The following EML6 variants were observed in gnomAD, a reference collection of about 807,000 sequenced individuals.
EML6 encodes EMAP like 6, also known as echinoderm microtubule-associated protein-like 6.
Under a neutral mutation model 240.1 loss-of-function variants are expected in EML6, and 154 were observed. That is an observed-to-expected ratio of 0.64 (90% CI 0.56 to 0.73). The LOEUF is 0.73. Among genes scored for constraint, EML6 ranks in the 30% least tolerant of loss-of-function variants. EML6 has a pLI of 0.00. For synonymous variants in EML6, 1,148 were observed against 899.0 expected, an observed-to-expected ratio of 1.28 and a Z score of -4.95; for missense variants, 2,964 against 2,474.6, an observed-to-expected ratio of 1.20 and a Z score of -4.20.
chr2:54,830,443 A>G (rs1376495351), intron 7 of EML6, among the ~76,000 whole-genome samples: 1 of 152,088 alleles, frequency 6.6e-6, no homozygotes, highest in Non-Finnish European at 1.5e-5. Context: ...GATGAGGGAG[A>G]AATTTCCTGA....
Position 54,774,271 on chromosome 2 carries a change from A to C in EML6, c.198-38961A>C, listed in dbSNP as rs991764838. Among the ~76,000 whole-genome samples the C allele has an allele frequency of 3.3e-5, 5 of 152,306 alleles. No homozygotes were observed. The East Asian group carries it at 9.6e-4, about 29-fold the overall frequency. ...CTTGCAAAATGTTTATTGGATCAGT[A>C]GTGATGGAAGGGAGGGCAGAGAGAG... On this transcript the variant is annotated intron_variant, in intron 2 of 41. Coordinates refer to ENST00000356458, the MANE Select transcript of EML6 (RefSeq NM_001039753.4). The surrounding 1 kb of genome is among the most constrained non-coding windows in gnomAD (Gnocchi z 4.1).
chr2:54,863,761 C>T (rs1670805937), intron 12 of EML6, 22 bp from the exon 13 acceptor site: 3 of 1,365,972 alleles, frequency 2.2e-6, no homozygotes, highest in Non-Finnish European at 3.0e-6. Context: ...TTGCTTGTTT[C>T]TTGTGGGTTG....
intron 2 of EML6, among the ~76,000 whole-genome samples, chr2:54,798,160 A>G (rs1669921777): frequency 6.6e-6 from 1 of 151,992 alleles, no homozygotes; most frequent in African/African-American, 2.4e-5. Flanking sequence ...TCTATGTAGT[A>G]TTTTATAGTT....
intron 2 of EML6, among the ~76,000 whole-genome samples, chr2:54,734,892 A>C (rs1683326495): frequency 6.6e-6 from 1 of 152,194 alleles, no homozygotes; most frequent in Non-Finnish European, 1.5e-5. Flanking sequence ...CTGCATGATG[A>C]GAGTCAAACT....
chr2:54,894,764 C>T (rs538755056), intron 19 of EML6, 151 bp from the exon 20 acceptor site: 12 of 582,870 alleles, frequency 2.1e-5, no homozygotes, highest in South Asian at 4.2e-5. Flanking sequence ...AAATATTATT[C>T]GAACATTGTT....
intron 5 of EML6, among the ~76,000 whole-genome samples, chr2:54,825,300 T>G (rs542604202): frequency 2.0e-4 from 30 of 152,338 alleles, no homozygotes; most frequent in African/African-American, 7.0e-4. Flanking sequence ...ATCATTTATG[T>G]CTAATAGTTT....
intron 16 of EML6, among the ~76,000 whole-genome samples, chr2:54,878,996 A>G (rs1380744175): frequency 6.6e-6 from 1 of 152,196 alleles, no homozygotes; most frequent in Non-Finnish European, 1.5e-5. Context: ...GGAACATAAA[A>G]TTTTTAAATT....
intron 24 of EML6, among the ~76,000 whole-genome samples, chr2:54,907,950 T>TA (rs1244967827): frequency 0.011 from 303 of 26,484 alleles, no homozygotes; most frequent in Middle Eastern, 0.024. Flanking sequence ...ATAGATAAGA[T>TA]AGATAGATAG....
intron 2 of EML6, among the ~76,000 whole-genome samples, chr2:54,728,209 A>G (rs2104365847): frequency 6.6e-6 from 1 of 152,318 alleles, no homozygotes; most frequent in South Asian, 2.1e-4. Flanking sequence ...GCTTGATACC[A>G]AGGACAGTAA....
intron 17 of EML6, among the ~76,000 whole-genome samples, chr2:54,886,855 C>T (rs968177324): frequency 1.2e-4 from 19 of 152,196 alleles, no homozygotes; most frequent in Middle Eastern, 3.4e-3. Context: ...AGTTTTTAGG[C>T]AAGAATGCTT....
chr2:54,731,670 A>G (rs1023830684), intron 2 of EML6, among the ~76,000 whole-genome samples: 1 of 152,206 alleles, frequency 6.6e-6, no homozygotes, highest in South Asian at 2.1e-4. Flanking sequence ...TGGTTGCCAC[A>G]TAATGGGTCA....
chr2:54,810,959 C>A (rs1434446398), intron 2 of EML6, among the ~76,000 whole-genome samples: 1 of 152,186 alleles, frequency 6.6e-6, no homozygotes, highest in African/African-American at 2.4e-5. Flanking sequence ...TGTAGCCAGG[C>A]TCTGTGAGTT....
intron 15 of EML6, among the ~76,000 whole-genome samples, chr2:54,870,917 T>C (rs890612865): frequency 8.5e-5 from 13 of 152,168 alleles, no homozygotes; most frequent in Non-Finnish European, 1.8e-4. Flanking sequence ...CCCCACTACA[T>C]ATTACAAGTG....
chr2:54,928,928 G>A (rs1461921868), intron 28 of EML6, among the ~76,000 whole-genome samples, 177 bp downstream of exon 28: 2 of 152,196 alleles, frequency 1.3e-5, no homozygotes, highest in Non-Finnish European at 2.9e-5. Flanking sequence ...CAACATCCCA[G>A]TACGTGGCAA....
At chr2:54,808,794 T>G (rs1459773582) in intron 2 of EML6, among the ~76,000 whole-genome samples, 1 of 152,160 alleles carries the variant, frequency 6.6e-6, no homozygotes, top group African/African-American at 2.4e-5. Context: ...TCACAAGATG[T>G]TTGGAAATCT....
chr2:54,878,956 C>T (rs999058377), intron 16 of EML6, among the ~76,000 whole-genome samples: 4 of 152,114 alleles, frequency 2.6e-5, no homozygotes, highest in African/African-American at 2.4e-5. Context: ...TTCTAAATTT[C>T]CTATAACAAG....
chr2:54,835,865 G>GT (rs1347274912), intron 7 of EML6, among the ~76,000 whole-genome samples: 1 of 152,190 alleles, frequency 6.6e-6, no homozygotes, highest in Non-Finnish European at 1.5e-5. Flanking sequence ...AGCCCCAAAT[G>GT]TTGATAGTGT....
rs755619755 is a variant in EML6, at chr2:54,966,996, A to G, written c.5494-4A>G. 4 of 1,542,646 alleles carry G rather than the reference A, an allele frequency of 2.6e-6. No homozygotes were observed. The highest frequency in any genetic ancestry group is 1.2e-5 in the South Asian group (1 of 83,826). On this transcript the variant is annotated splice_polypyrimidine_tract_variant and splice_region_variant and intron_variant, in intron 38 of 41. Coordinates refer to ENST00000356458, the MANE Select transcript of EML6 (RefSeq NM_001039753.4). ...GATGAACATGGCTTCCCTTCTACCT[A>G]CAGGTGTCAACAGGTGCCTATAAGC...
intron 25 of EML6, among the ~76,000 whole-genome samples, chr2:54,913,091 T>TTA (rs1673729435): frequency 6.8e-6 from 1 of 147,854 alleles, no homozygotes; most frequent in Non-Finnish European, 1.5e-5. Context: ...TTTTTTTTTT[T>TTA]ACTTTTAATA....
Sources: gnomAD v4.1 joint callset for allele counts (sites outside exome capture counted in the v4.1 genomes callset) on GRCh38, gnomAD v4.1.1 for gene constraint, Gnocchi (gnomAD v3.1) non-coding constraint, MANE v1.5 for transcripts, NCBI Gene and HGNC (gene_info 2026-07-23, HGNC 2026-07-21) for gene names.